NEK5: variants seen among roughly 807,000 people sequenced by gnomAD.
NEK5 encodes the protein serine/threonine-protein kinase Nek5.
A neutral mutation model predicts 109.2 loss-of-function variants in NEK5; 88 were observed. The observed-to-expected ratio is 0.81, with a 90% CI of 0.68 to 0.96. NEK5 has a LOEUF of 0.96. Ranked by LOEUF, NEK5 falls within the 40% of genes least tolerant of loss-of-function variation. NEK5 has a pLI of 0.00. For synonymous variants in NEK5, 283 were observed against 299.9 expected (o/e 0.94, Z 0.58); for missense variants, 834 against 920.7 (o/e 0.91, Z 1.22).
At chr13:52,055,776 C>A (rs1158974955) in intron 22 of NEK5, among the ~76,000 whole-genome samples, 2 of 151,988 alleles carry the variant, frequency 1.3e-5, no homozygotes, top group Non-Finnish European at 2.9e-5. Flanking sequence ...CCGGCCTGCC[C>A]TACAAGAGCT....
At chr13:52,115,168 C>T (rs1044851807) in intron 4 of NEK5, among the ~76,000 whole-genome samples, 1 of 151,974 alleles carries the variant, frequency 6.6e-6, no homozygotes, top group Non-Finnish European at 1.5e-5. Flanking sequence ...CGCCCGCCAC[C>T]ATGCCCGGCT....
chr13:52,089,869 T>C (rs1184977507), intron 13 of NEK5, among the ~76,000 whole-genome samples: 3 of 151,400 alleles, frequency 2.0e-5, no homozygotes, highest in African/African-American at 7.3e-5. Flanking sequence ...TAATCCCAGC[T>C]ACTGGGGAGG....
intron 16 of NEK5, among the ~76,000 whole-genome samples, chr13:52,085,638 T>A (rs1350355619): frequency 6.6e-6 from 1 of 152,210 alleles, no homozygotes; most frequent in Non-Finnish European, 1.5e-5. Flanking sequence ...ACTGAGTGTG[T>A]TCCTAGTGTT....
intron 8 of NEK5, among the ~76,000 whole-genome samples, chr13:52,105,134 G>T (rs1233586686): frequency 1.3e-5 from 2 of 152,012 alleles, no homozygotes; most frequent in African/African-American, 2.4e-5. Flanking sequence ...AAATCTAAAA[G>T]ATCAAAAAAT....
chr13:52,102,039 G>T, intron 10 of NEK5, 25 bp from the exon 11 acceptor site: 4 of 1,612,464 alleles, frequency 2.5e-6, no homozygotes, highest in Non-Finnish European at 3.4e-6. Context: ...ACGTGTCAAG[G>T]ACCTGCAACC....
chr13:52,099,564 G>A (rs1316228270), intron 12 of NEK5, among the ~76,000 whole-genome samples, 179 bp downstream of exon 12: 1 of 152,200 alleles, frequency 6.6e-6, no homozygotes, highest in Non-Finnish European at 1.5e-5. Context: ...CAGCTACTCA[G>A]GAGGCTGGGG....
chr13:52,065,272 A>G (rs557205394), intron 21 of NEK5: 32 of 658,050 alleles, frequency 4.9e-5, no homozygotes, highest in African/African-American at 4.8e-4. Context: ...CCTCCTTTAT[A>G]TGTGCATGTC....
At chr13:52,043,459 C>T (rs1041558665) in intron 23 of NEK5, among the ~76,000 whole-genome samples, 4 of 150,934 alleles carry the variant, frequency 2.7e-5, no homozygotes, top group African/African-American at 9.7e-5. Flanking sequence ...TTGGCTTGAA[C>T]CCCGGAGGCA....
At chr13:52,063,215 G>A (rs576469962) in intron 21 of NEK5, among the ~76,000 whole-genome samples, 46 of 152,352 alleles carry the variant, frequency 3.0e-4, no homozygotes, top group African/African-American at 1.1e-3. Context: ...CGTGATTACA[G>A]ACACGCGTCG....
chr13:52,059,933 AC>A (rs1386866326), intron 22 of NEK5, among the ~76,000 whole-genome samples: 2 of 152,158 alleles, frequency 1.3e-5, no homozygotes, highest in Non-Finnish European at 2.9e-5. Flanking sequence ...GTGCACATGT[AC>A]CCTAAAACTT....
intron 17 of NEK5, among the ~76,000 whole-genome samples, chr13:52,077,813 A>T (rs1473859432): frequency 6.6e-6 from 1 of 152,116 alleles, no homozygotes; most frequent in Non-Finnish European, 1.5e-5. Flanking sequence ...AGTGGCTCAC[A>T]CCTGTAATCC....
At chr13:52,092,656 C>T (rs915933098) in intron 13 of NEK5, among the ~76,000 whole-genome samples, 1 of 152,068 alleles carries the variant, frequency 6.6e-6, no homozygotes, top group African/African-American at 2.4e-5. Flanking sequence ...GAGGCTGAGG[C>T]GGGCAGATCA....
chr13:52,047,698 G>A (rs1194329194), intron 23 of NEK5, among the ~76,000 whole-genome samples: 9 of 151,688 alleles, frequency 5.9e-5, no homozygotes, highest in East Asian at 5.8e-4. Context: ...AAAATTAGCC[G>A]GCCATGGTGG....
At chr13:52,063,075 C>G (rs1403425700) in intron 21 of NEK5, among the ~76,000 whole-genome samples, 1 of 151,088 alleles carries the variant, frequency 6.6e-6, no homozygotes, top group African/African-American at 2.5e-5. Flanking sequence ...CCCCCTCTCC[C>G]CACGGTCTCC....
chr13:52,082,596 T>G (rs1285527972), intron 17 of NEK5, among the ~76,000 whole-genome samples: 1 of 152,188 alleles, frequency 6.6e-6, no homozygotes. Flanking sequence ...CTCTTGAGAT[T>G]TATTTGTTAT....
At chr13:52,054,462 A>T (rs567740725) in intron 22 of NEK5, among the ~76,000 whole-genome samples, 1 of 152,374 alleles carries the variant, frequency 6.6e-6, no homozygotes, top group South Asian at 2.1e-4. Context: ...CTGGGATTAC[A>T]GGCATGAGCC....
chr13:52,056,865 C>G (rs924843894), intron 22 of NEK5, among the ~76,000 whole-genome samples: 1 of 151,852 alleles, frequency 6.6e-6, no homozygotes, highest in African/African-American at 2.4e-5. Context: ...AAAATTGACA[C>G]CCTAACATCA....
At chr13:52,083,619 C>T (rs550147765) in intron 16 of NEK5, among the ~76,000 whole-genome samples, 2 of 152,022 alleles carry the variant, frequency 1.3e-5, no homozygotes, top group South Asian at 4.2e-4. Flanking sequence ...TCACTGCAAG[C>T]TCTGCCTCCT....
intron 12 of NEK5, among the ~76,000 whole-genome samples, chr13:52,096,072 C>G (rs1205489221): frequency 1.3e-5 from 2 of 152,130 alleles, no homozygotes; most frequent in Non-Finnish European, 2.9e-5. Context: ...ATGAGCCTGC[C>G]TCCCCTTCTG....
Sources: allele counts gnomAD v4.1 joint callset (sites outside exome capture counted in the v4.1 genomes callset), GRCh38; gene constraint gnomAD v4.1.1; transcripts MANE v1.5; gene names NCBI Gene and HGNC (gene_info 2026-07-23, HGNC 2026-07-21).